The following PDXDC1 variants were observed in gnomAD, a reference collection of about 807,000 sequenced individuals.
The protein encoded by PDXDC1 is pyridoxal-dependent decarboxylase domain-containing protein 1.
PDXDC1 carries 42 observed loss-of-function variants against 100.1 expected under a neutral mutation model. That is an observed-to-expected ratio of 0.42 (90% CI 0.33 to 0.54). The LOEUF is 0.54. PDXDC1 is among the 20% of genes least tolerant of loss of function. PDXDC1 has a pLI of 0.10. For missense variants in PDXDC1, 636 were observed against 979.2 expected, an observed-to-expected ratio of 0.65 and a Z score of 4.68; for synonymous variants, 260 against 371.7, an observed-to-expected ratio of 0.70 and a Z score of 3.46.
chr16:14,996,887 A>C (rs1355450328), intron 1 of PDXDC1, among the ~76,000 whole-genome samples: 1 of 152,294 alleles, frequency 6.6e-6, no homozygotes, highest in African/African-American at 2.4e-5. Context: ...TTGTCTTTGT[A>C]TCACTGCCAC....
rs1382306449 is a variant in PDXDC1 at position 15,077,066 on chromosome 16, G to C, written c.1399+47010G>C. ...AAGATCTCGGCTCACCGCAAACTCC[G>C]CCCCCCAGGTTCAAGAGATTCTCCT... On this transcript the variant is annotated intron_variant, in intron 16 of 16. Transcript: ENST00000535621. Among the ~76,000 whole-genome samples the C allele has an allele frequency of 5.4e-5, 8 of 149,120 alleles. No homozygotes were observed. The East Asian group carries it at 1.6e-3, about 29-fold the overall frequency.
At chr16:15,121,761 AAAT>A (rs2047434301) in intron 16 of PDXDC1, 1 of 75,874 alleles carries the variant, frequency 1.3e-5, no homozygotes, top group African/African-American at 6.8e-5. Flanking sequence ...TCAAATAAAT[AAAT>A]AAATAAATAA....
intron 1 of PDXDC1, among the ~76,000 whole-genome samples, chr16:14,985,028 T>C (rs1157125079): frequency 1.3e-5 from 2 of 151,306 alleles, no homozygotes; most frequent in East Asian, 4.1e-4. Context: ...GTGCCCGCCA[T>C]TGCACACGAC....
intron 22 of PDXDC1, 94 bp downstream of exon 22, chr16:15,035,647 T>A: frequency 1.5e-6 from 1 of 682,138 alleles, no homozygotes; most frequent in East Asian, 2.8e-5. Flanking sequence ...TCCAGAGGTC[T>A]ATTTCTCTTA....
chr16:15,105,103 C>G (rs1184087402), intron 16 of PDXDC1, among the ~76,000 whole-genome samples: 1 of 112,114 alleles, frequency 8.9e-6, no homozygotes, highest in Non-Finnish European at 1.9e-5. Context: ...TATCCTCATT[C>G]CTCCCTCACA....
At chr16:15,061,806 G>A (rs765705321) in intron 16 of PDXDC1, 9 of 1,614,050 alleles carry the variant, frequency 5.6e-6, no homozygotes, top group Admixed American at 3.3e-5. Context: ...GAAGGACTTC[G>A]GAAATGCGTG....
chr16:15,047,426 G>A, intron 16 of PDXDC1: 1 of 1,467,448 alleles, frequency 6.8e-7, no homozygotes, highest in Non-Finnish European at 9.6e-7. Flanking sequence ...ACCTATGAGA[G>A]CAGCGTAGAT....
At chr16:14,983,926 G>C (rs533778451) in intron 1 of PDXDC1, among the ~76,000 whole-genome samples, 1,051 of 152,106 alleles carry the variant, frequency 6.9e-3, no homozygotes, top group African/African-American at 0.024. Flanking sequence ...ACTTTGGGAG[G>C]CCAAGGAAGG....
chr16:14,997,265 G>A (rs1490617596), intron 1 of PDXDC1, among the ~76,000 whole-genome samples: 9 of 152,274 alleles, frequency 5.9e-5, no homozygotes, highest in Non-Finnish European at 1.3e-4. Context: ...GGCCAGGCAC[G>A]GTGGCTCACA....
chr16:15,049,179 C>A (rs1328161879), intron 16 of PDXDC1, among the ~76,000 whole-genome samples: 1 of 151,774 alleles, frequency 6.6e-6, no homozygotes, highest in Non-Finnish European at 1.5e-5. Context: ...CAGGCACACA[C>A]CGCCACACCT....
intron 16 of PDXDC1, among the ~76,000 whole-genome samples, chr16:15,050,313 T>C (rs968200833): frequency 2.8e-4 from 42 of 152,332 alleles, no homozygotes; most frequent in African/African-American, 9.6e-4. Context: ...AAAATCTTCC[T>C]CAAATGTCTA....
chr16:15,080,006 TGAG>T (rs1409726804), intron 16 of PDXDC1: 1 of 1,594,370 alleles, frequency 6.3e-7, no homozygotes, highest in African/African-American at 1.3e-5. Context: ...ACATCCAACT[TGAG>T]TAGTTTTTCA....
chr16:15,148,370 A>ATTTTTTTTTTTTTTTTTTT, the PDXDC1 span, among the ~76,000 whole-genome samples: 2 of 34,118 alleles, frequency 5.9e-5, 1 homozygote, highest in African/African-American at 2.4e-4. Context: ...AGATCCTGTG[A>ATTTTTTTTTTTTTTTTTTT]TTTTTTTTTT....
intron 16 of PDXDC1, chr16:15,132,646 C>G: frequency 1.3e-6 from 1 of 756,966 alleles, no homozygotes; most frequent in Non-Finnish European, 2.3e-6. Context: ...GCCAAGCTGC[C>G]CGTCTGCCCT....
At chr16:15,124,722 A>C (rs914167034) in intron 16 of PDXDC1, among the ~76,000 whole-genome samples, 2 of 151,980 alleles carry the variant, frequency 1.3e-5, no homozygotes, top group African/African-American at 2.4e-5. Context: ...CAGTGAGCCG[A>C]GATTGCACCA....
intron 16 of PDXDC1, chr16:15,137,300 G>A (rs1365488810): frequency 3.8e-6 from 4 of 1,046,962 alleles, no homozygotes; most frequent in Admixed American, 2.0e-5. Flanking sequence ...CCTACAGGTG[G>A]GGGCAGGAGG....
chr16:15,038,570 T>C, downstream of PDXDC1: 1 of 1,489,468 alleles, frequency 6.7e-7, no homozygotes, highest in East Asian at 2.3e-5. Flanking sequence ...CTGTAAACTC[T>C]CACCTCTAGT....
At chr16:15,012,844 C>G (rs1438137043) in intron 8 of PDXDC1, among the ~76,000 whole-genome samples, 2 of 141,306 alleles carry the variant, frequency 1.4e-5, no homozygotes, top group East Asian at 4.9e-4. Context: ...AGAGCCAGAT[C>G]CTTTCTTAAA....
At chr16:15,095,861 GGTGTGTGTGT>G (rs113527217) in intron 16 of PDXDC1, among the ~76,000 whole-genome samples, 129 of 134,400 alleles carry the variant, frequency 9.6e-4, no homozygotes, top group Admixed American at 1.8e-3. Flanking sequence ...AAAAAAAAAA[GGTGTGTGTGT>G]GTGTGTGTGT....
Sources: gnomAD v4.1 joint callset for allele counts (sites outside exome capture counted in the v4.1 genomes callset) on GRCh38, gnomAD v4.1.1 for gene constraint, MANE v1.5 for transcripts, NCBI Gene and HGNC (gene_info 2026-07-23, HGNC 2026-07-21) for gene names.